The following ZNF629 variants were observed in gnomAD, a reference collection of about 807,000 sequenced individuals.
The protein encoded by ZNF629 is DNA-binding protein.
Under a neutral mutation model 59.7 loss-of-function variants are expected in ZNF629, and 9 were observed. The observed-to-expected ratio is 0.15, with a 90% CI of 0.09 to 0.26. The LOEUF is 0.26. ZNF629 is among the 10% of genes least tolerant of loss of function. The probability of loss-of-function intolerance (pLI) is 1.00; values close to 1 mark genes in which losing one functional copy is unlikely to be tolerated. For synonymous variants in ZNF629, 509 were observed against 498.9 expected, an observed-to-expected ratio of 1.02 and a Z score of -0.27; for missense variants, 853 against 1,165.4, an observed-to-expected ratio of 0.73 and a Z score of 3.90.
Position 30,779,399 on chromosome 16 carries a change from C to T in ZNF629, c.*2319G>A, listed in dbSNP as rs1243298553. ...TTACAACTTCAGTTTCTGCTACCAT[C>T]TTGGGGAGGGGGACATCTCCTTAGA... On this transcript the variant is annotated 3_prime_UTR_variant, in exon 3 of 3. Coordinates refer to ENST00000262525, the MANE Select transcript of ZNF629 (RefSeq NM_001080417.3). The T allele has an allele frequency of 6.6e-6, 1 of 152,262 alleles. No individual in the cohort carries two copies. Among genetic ancestry groups the T allele is most frequent in the Non-Finnish European group, 1.5e-5 (1 of 68,096 alleles). The allele number at this position is 152,262 out of a possible 1,614,324, so 9.4% of individuals were successfully genotyped here. A position where few individuals can be genotyped will look rare whatever the true frequency, so the allele number is the denominator to read the frequency against.
At position 30,786,451 on chromosome 16, in the gene ZNF629, C is replaced by T. The variant is rs1026203639; in HGVS notation, c.-34+577G>A. ...ACACAGAGCATGGACGTGGGAAGACCGAGGGAGGCCGAGGCGCTGGGAGCC... is the reference window on the plus strand; with the variant it reads ...ACACAGAGCATGGACGTGGGAAGACTGAGGGAGGCCGAGGCGCTGGGAGCC... On this transcript the variant is annotated intron_variant, in intron 1 of 2. Transcript: ENST00000262525. The surrounding 1 kb of genome is among the most constrained non-coding windows in gnomAD (Gnocchi z 4.8). Among the ~76,000 whole-genome samples the T allele has an allele frequency of 1.3e-5, 2 of 152,124 alleles. No homozygotes were observed. Among genetic ancestry groups the T allele is most frequent in the Non-Finnish European group, 2.9e-5 (2 of 68,010 alleles).
Position 30,781,460 on chromosome 16 carries a change from G to T in ZNF629, c.*258C>A. The T allele has an allele frequency of 2.9e-6, 1 of 349,250 alleles. No homozygotes were observed. The highest frequency in any genetic ancestry group is 5.1e-6 in the Non-Finnish European group (1 of 195,200). The allele number at this position is 349,250 out of a possible 1,614,324, so 21.6% of individuals were successfully genotyped here. A position where few individuals can be genotyped will look rare whatever the true frequency, so the allele number is the denominator to read the frequency against. ...GGGTTTTTCTGCTACAGACTTAAAG[G>T]GCTTTTTTTTTTCCTACATATTTAT... is the stretch of plus-strand genomic sequence containing the variant. On this transcript the variant is annotated 3_prime_UTR_variant, in exon 3 of 3. Transcript: ENST00000262525.
rs865876426 is a variant in ZNF629, at chr16:30,780,257, C to G, written c.*1461G>C. The G allele has an allele frequency of 1.3e-5, 2 of 152,510 alleles. No homozygotes were observed. The highest frequency in any genetic ancestry group is 4.8e-5 in the African/African-American group (2 of 41,428). 9.4% of individuals were successfully genotyped at this position (152,510 alleles called of 1,614,324 possible). ...AGGTACCAGGGTGAAGAGGGTGATACGGCCTCTGCGGACTCTTCAGGGACC... is the reference window on the plus strand; with the variant it reads ...AGGTACCAGGGTGAAGAGGGTGATAGGGCCTCTGCGGACTCTTCAGGGACC... On this transcript the variant is annotated 3_prime_UTR_variant, in exon 3 of 3. Transcript: ENST00000262525.
In ZNF629 at chr16:30,781,698, C is replaced by T. The variant is rs1394562666; in HGVS notation, c.*20G>A. 6.3e-7 allele frequency: 1 copy of T among 1,581,720 alleles called. No individual in the cohort carries two copies. Among genetic ancestry groups the T allele is most frequent in the Non-Finnish European group, 8.6e-7 (1 of 1,164,696 alleles). The stretch of plus-strand genomic sequence containing the variant: ...TGTTCCTCTCTGGAGAGAGCGAGGC[C>T]CCTGGTCTCCAGACCCATTTCACAG... On this transcript the variant is annotated 3_prime_UTR_variant, in exon 3 of 3. Transcript: ENST00000262525.
At position 30,784,051 on chromosome 16, in the gene ZNF629, C is replaced by T. The variant is rs750671626; in HGVS notation, c.277G>A (p.Asp93Asn). The change falls in exon 3 of 3, where the codon GAC becomes AAC. Residue 93 changes from aspartate to asparagine, a missense_variant. Coordinates refer to ENST00000262525, the MANE Select transcript of ZNF629 (RefSeq NM_001080417.3). ...GGGACTACCTCCGGGGCTGGGGGGT[C>T]CAGGGGGATCTGGTGGTCCAAGGGA... ...SNPLDHQIPL[D>N]PPAPEVVPTP... 7.6e-6 allele frequency: 12 copies of T among 1,588,088 alleles called. No homozygotes were observed. Among genetic ancestry groups the T allele is most frequent in the Middle Eastern group, 1.7e-4 (1 of 5,960 alleles).
rs2054337573 is a variant in ZNF629, at chr16:30,786,826, C to T, written c.-34+202G>A. Among the ~76,000 whole-genome samples, 1 of 152,028 alleles carries T rather than the reference C, an allele frequency of 6.6e-6. No homozygotes were observed. Among genetic ancestry groups the T allele is most frequent in the Middle Eastern group, 3.4e-3 (1 of 290 alleles). ...CTTCCCAGAATCCCCAGGCTCCCCT[C>T]CCCCGCCACCGACCCCCGCGCTTCC... On this transcript the variant is annotated intron_variant, in intron 1 of 2. Coordinates refer to ENST00000262525, the MANE Select transcript of ZNF629 (RefSeq NM_001080417.3). The surrounding 1 kb of genome is among the most constrained non-coding windows in gnomAD (Gnocchi z 4.8).
At position 30,786,547 on chromosome 16, in the gene ZNF629, T is replaced by G. The variant is rs2151345079; in HGVS notation, c.-34+481A>C. On this transcript the variant is annotated intron_variant, in intron 1 of 2. Transcript: ENST00000262525. The surrounding 1 kb of genome is among the most constrained non-coding windows in gnomAD (Gnocchi z 4.8). ...CAGAGGGAGGGAATGAGGAGCCGCCTCCCGAGAGATGTGGGGAACGGCCCA... is the reference window on the plus strand; with the variant it reads ...CAGAGGGAGGGAATGAGGAGCCGCCGCCCGAGAGATGTGGGGAACGGCCCA... 6.6e-6 allele frequency among the ~76,000 whole-genome samples: 1 copy of G among 152,154 alleles called. No individual in the cohort carries two copies. The highest frequency in any genetic ancestry group is 2.4e-5 in the African/African-American group (1 of 41,500).
chr16:30,781,858 T>C lies in ZNF629; in HGVS notation c.2470A>G (p.Ser824Gly). Reference sequence around the variant, plus strand: ...TTTTGCCCTTCCCCATGGCTGCTGCTCTCTGTGGGGGTAGGGGTCTCGCCC... The same window carrying C: ...TTTTGCCCTTCCCCATGGCTGCTGCCCTCTGTGGGGGTAGGGGTCTCGCCC... ...GEGETPTPTE[S>G]SSHGEGQNPK... is the part of the protein sequence containing the mutation. The change falls in exon 3 of 3, where the codon AGC becomes GGC. Residue 824 changes from serine to glycine, a missense_variant. Around this residue, in one of 3 missense-constraint regions of ZNF629, gnomAD observed 420 missense variants for 435.6 expected, o/e 0.96. Transcript: ENST00000262525. The C allele has an allele frequency of 6.3e-7, 1 of 1,587,000 alleles. No homozygotes were observed. The highest frequency in any genetic ancestry group is 8.6e-7 in the Non-Finnish European group (1 of 1,164,072).
chr16:30,784,171 G>A lies in ZNF629; in HGVS notation c.157C>T (p.Pro53Ser). 1.2e-6 allele frequency: 2 copies of A among 1,609,694 alleles called. No homozygotes were observed. The highest frequency in any genetic ancestry group is 1.7e-6 in the Non-Finnish European group (2 of 1,179,014). The change falls in exon 3 of 3, where the codon CCA (proline) becomes TCA (serine). Residue 53 changes from proline (P) to serine (S), a missense_variant. Transcript: ENST00000262525. ...ATCTCTGTTGAGTCCTTGGATTCTG[G>A]ACTCTGAGCCGGGTCTCCCATGATG... ...EIIMGDPAQSPESKDSTEMSL... is the reference protein window; with the variant it reads ...EIIMGDPAQSSESKDSTEMSL...
In ZNF629 at chr16:30,782,629, T is replaced by C; in HGVS notation, c.1699A>G (p.Lys567Glu). Reference sequence around the variant, plus strand: ...CCGCACACGAGACACTTGTGCGGCTTGGCTCCCGGCGGCGGGGTCAGCAGG... The same window carrying C: ...CCGCACACGAGACACTTGTGCGGCTCGGCTCCCGGCGGCGGGGTCAGCAGG... ...PSLLTPPPGA[K>E]PHKCLVCGKG... is the part of the protein sequence containing the mutation. The change falls in exon 3 of 3, where the codon AAG becomes GAG. Residue 567 changes from lysine (K) to glutamate (E), a missense_variant. Lys to Glu is a moderately conservative substitution (Grantham distance 56, BLOSUM62 1). This residue lies in a region of ZNF629 where 420 missense variants were observed against 435.6 expected (regional missense o/e 0.96). Transcript: ENST00000262525. The C allele has an allele frequency of 6.4e-7, 1 of 1,572,204 alleles. No homozygotes were observed. Among genetic ancestry groups the C allele is most frequent in the Non-Finnish European group, 8.6e-7 (1 of 1,158,704 alleles).
At position 30,782,216 on chromosome 16, in the gene ZNF629, C is replaced by A. The variant is rs778004939; in HGVS notation, c.2112G>T (p.Gly704=). ...DYRIGLGEGA[G]PSPFLSGKPF... is the part of the protein sequence containing the mutation. The stretch of plus-strand genomic sequence containing the variant: ...GCTTCCCACTTAAGAAGGGGCTGGG[C>A]CCTGCGCCTTCCCCTAGGCCAATTC... Residue 704 remains glycine (G), a synonymous_variant, in exon 3 of 3, where the codon GGG becomes GGT. Coordinates refer to ENST00000262525, the MANE Select transcript of ZNF629 (RefSeq NM_001080417.3). 13 of 1,613,558 alleles carry A rather than the reference C, an allele frequency of 8.1e-6. No individual in the cohort carries two copies. The highest frequency in any genetic ancestry group is 1.1e-5 in the Non-Finnish European group (13 of 1,179,892).
chr16:30,786,157 A>G lies in ZNF629; in HGVS notation c.-34+871T>C, dbSNP rs2054330245. On this transcript the variant is annotated intron_variant, in intron 1 of 2. Transcript: ENST00000262525. This position sits in a 1 kb window ranked among gnomAD's most constrained non-coding sequence, Gnocchi z 4.8. ...GCACCCTGCCAAAGAGCGGTAGGAG[A>G]GACAGAAGTTAGCGTTTAGGAAGTA... is the stretch of plus-strand genomic sequence containing the variant. Among the ~76,000 whole-genome samples the G allele has an allele frequency of 6.6e-6, 1 of 152,104 alleles. No individual in the cohort carries two copies. The highest frequency in any genetic ancestry group is 1.5e-5 in the Non-Finnish European group (1 of 68,012).
In ZNF629 at chr16:30,781,602, C is replaced by T. The variant is rs2054281100; in HGVS notation, c.*116G>A. On this transcript the variant is annotated 3_prime_UTR_variant, in exon 3 of 3. Coordinates refer to ENST00000262525, the MANE Select transcript of ZNF629 (RefSeq NM_001080417.3). ...CTATTTTTTCCCAGGGTTCTTTCTC[C>T]TCCACTCCACTACCATCTGATAGGG... The T allele has an allele frequency of 9.5e-7, 1 of 1,049,582 alleles. No individual in the cohort carries two copies. The highest frequency in any genetic ancestry group is 1.3e-6 in the Non-Finnish European group (1 of 780,140). 65.0% of individuals were successfully genotyped at this position (1,049,582 alleles called of 1,614,324 possible).
Position 30,782,515 on chromosome 16 carries a change from C to A in ZNF629, c.1813G>T (p.Ala605Ser). Residue 605 changes from alanine (A) to serine (S), a missense_variant, in exon 3 of 3, where the codon GCA becomes TCA. Ala to Ser is a moderately conservative substitution (Grantham distance 99). Around this residue, in one of 3 missense-constraint regions of ZNF629, gnomAD observed 420 missense variants for 435.6 expected, o/e 0.96. Transcript: ENST00000262525. The stretch of plus-strand genomic sequence containing the variant: ...TGAGGAGGTTTGGGGGCTGCGTGTG[C>A]GATGAGGCCGTCTGCATTTTTGTAG... ...NPYKNADGLI[A>S]HAAPKPPQLR... is the part of the protein sequence containing the mutation. 6.4e-7 allele frequency: 1 copy of A among 1,563,592 alleles called. No individual in the cohort carries two copies. The highest frequency in any genetic ancestry group is 1.9e-5 in the Admixed American group (1 of 52,200).
Position 30,781,996 on chromosome 16 carries a change from G to C in ZNF629, c.2332C>G (p.Leu778Val). The change falls in exon 3 of 3, where the codon CTC becomes GTC. Residue 778 changes from leucine to valine, a missense_variant. Leu to Val is a conservative substitution (Grantham distance 32, BLOSUM62 1). Coordinates refer to ENST00000262525, the MANE Select transcript of ZNF629 (RefSeq NM_001080417.3). The stretch of plus-strand genomic sequence containing the variant: ...TGCCGGGTGAGGGCCACGCGGTCGA[G>C]GAAGGAGGCCCTGCAATCTGAGCAG... ...YRCSDCRASF[L>V]DRVALTRHQE... is the part of the protein sequence containing the mutation. 1 of 1,567,960 alleles carries C rather than the reference G, an allele frequency of 6.4e-7. No individual in the cohort carries two copies. The highest frequency in any genetic ancestry group is 2.3e-5 in the East Asian group (1 of 44,380).
chr16:30,781,687 G>T lies in ZNF629; in HGVS notation c.*31C>A. The T allele has an allele frequency of 6.4e-7, 1 of 1,562,226 alleles. No homozygotes were observed. Among genetic ancestry groups the T allele is most frequent in the Non-Finnish European group, 8.7e-7 (1 of 1,155,450 alleles). The stretch of plus-strand genomic sequence containing the variant: ...AAAAAATCCAGTGTTCCTCTCTGGA[G>T]AGAGCGAGGCCCCTGGTCTCCAGAC... On this transcript the variant is annotated 3_prime_UTR_variant, in exon 3 of 3. Coordinates refer to ENST00000262525, the MANE Select transcript of ZNF629 (RefSeq NM_001080417.3).
chr16:30,782,531 A>G lies in ZNF629; in HGVS notation c.1797T>C (p.Asn599=). ...CTGCGTGTGCGATGAGGCCGTCTGC[A>G]TTTTTGTAGGGGTTTTCTCCGATGT... ...RIHIGENPYK[N]ADGLIAHAAP... The change falls in exon 3 of 3, where the codon AAT becomes AAC. Residue 599 remains asparagine (N), a synonymous_variant. Transcript: ENST00000262525. 1.9e-6 allele frequency: 3 copies of G among 1,561,654 alleles called. No homozygotes were observed. The highest frequency in any genetic ancestry group is 2.7e-5 in the African/African-American group (2 of 73,648).
rs2054283797 is a variant in ZNF629, at chr16:30,781,843, C to T, written c.2485G>A (p.Glu829Lys). The change falls in exon 3 of 3, where the codon GAA becomes AAA. Residue 829 changes from glutamate (E) to lysine (K), a missense_variant. By Grantham distance (56) the Glu-to-Lys change is moderately conservative. Transcript: ENST00000262525. ...ACTAGGGTTTTGGGGTTTTGCCCTT[C>T]CCCATGGCTGCTGCTCTCTGTGGGG... ...PTPTESSSHG[E>K]GQNPKTLVEE... 1 of 1,596,050 alleles carries T rather than the reference C, an allele frequency of 6.3e-7. No individual in the cohort carries two copies. Among genetic ancestry groups the T allele is most frequent in the African/African-American group, 1.3e-5 (1 of 74,442 alleles).
chr16:30,784,075 G>A lies in ZNF629; in HGVS notation c.253C>T (p.Pro85Ser), dbSNP rs1315585560. The A allele has an allele frequency of 6.3e-7, 1 of 1,595,810 alleles. No individual in the cohort carries two copies. The highest frequency in any genetic ancestry group is 8.5e-7 in the Non-Finnish European group (1 of 1,171,942). The change falls in exon 3 of 3, where the codon CCC becomes TCC. Residue 85 changes from proline (P) to serine (S), a missense_variant. Pro to Ser is a moderately conservative substitution (Grantham distance 74). This residue lies in a region of ZNF629 where 232 missense variants were observed against 193.4 expected (regional missense o/e 1.20). Transcript: ENST00000262525. ...NPPTPLGHSNPLDHQIPLDPP... is the reference protein window; with the variant it reads ...NPPTPLGHSNSLDHQIPLDPP... Reference sequence around the variant, plus strand: ...TCCAGGGGGATCTGGTGGTCCAAGGGATTGGAGTGACCCAGTGGGGTTGGG... The same window carrying A: ...TCCAGGGGGATCTGGTGGTCCAAGGAATTGGAGTGACCCAGTGGGGTTGGG...
Sources: allele counts gnomAD v4.1 joint callset (sites outside exome capture counted in the v4.1 genomes callset), GRCh38; gene constraint gnomAD v4.1.1; regional missense constraint gnomAD v4.1.1; non-coding constraint Gnocchi (gnomAD v3.1); transcripts MANE v1.5; gene names NCBI Gene and HGNC (gene_info 2026-07-23, HGNC 2026-07-21).